Variants in SORBS2 observed in about 807,000 individuals in gnomAD.
SORBS2 encodes the protein sorbin and SH3 domain-containing protein 2.
SORBS2 carries 46 observed loss-of-function variants against 97.7 expected under a neutral mutation model. That is an observed-to-expected ratio of 0.47 (90% CI 0.37 to 0.60). The LOEUF (loss-of-function observed/expected upper bound fraction) is 0.60. Ranked by LOEUF, SORBS2 falls within the 20% of genes least tolerant of loss-of-function variation. The pLI is 0.00. For missense variants in SORBS2, 1,316 were observed against 1,282.3 expected, an observed-to-expected ratio of 1.03 and a Z score of -0.40; for synonymous variants, 476 against 473.4, an observed-to-expected ratio of 1.01 and a Z score of -0.07.
chr4:185,734,264 T>C (rs2098667228), intron 2 of SORBS2, 110 bp from the exon 3 acceptor site: 1 of 152,360 alleles, frequency 6.6e-6, no homozygotes, highest in South Asian at 2.1e-4. Context: ...CATCATATAT[T>C]CTTTTCTTTA....
At chr4:185,827,348 T>C (rs201040590) in intron 1 of SORBS2, among the ~76,000 whole-genome samples, 5,857 of 7,946 alleles carry the variant, frequency 0.74, 2,023 homozygotes, top group Non-Finnish European at 0.78. Flanking sequence ...ATCATCATCA[T>C]CATCATCATC....
chr4:185,800,079 A>T lies in SORBS2; in HGVS notation c.-337-24713T>A, dbSNP rs141833235. ...CATGGTGGTGCACGCCTGTAATCCT[A>T]GCTGCTCAGGAGGCTGAGGCAGGAG... On this transcript the variant is annotated intron_variant, in intron 1 of 20. Transcript: ENST00000284776. 5.7e-3 allele frequency among the ~76,000 whole-genome samples: 866 copies of T among 152,276 alleles called. 8 individuals carry two copies. Among genetic ancestry groups the T allele is most frequent in the African/African-American group, 0.02 (830 of 41,544 alleles).
intron 2 of SORBS2, among the ~76,000 whole-genome samples, chr4:185,754,088 T>C (rs1281706182): frequency 1.3e-5 from 2 of 152,026 alleles, no homozygotes; most frequent in African/African-American, 4.8e-5. Context: ...GAAGATATGG[T>C]ATATACACAC....
At chr4:185,942,082 C>T (rs2099272293) in intron 1 of SORBS2, among the ~76,000 whole-genome samples, 1 of 152,100 alleles carries the variant, frequency 6.6e-6, no homozygotes, top group South Asian at 2.1e-4. Context: ...TGCCACTGCA[C>T]TCCAGCTGGG....
At chr4:185,616,592 AGC>A (rs199663275) in intron 9 of SORBS2, among the ~76,000 whole-genome samples, 3,390 of 152,306 alleles carry the variant, frequency 0.022, 176 homozygotes, top group East Asian at 0.19. Context: ...AATTTTTCAA[AGC>A]TATGAAAAAG....
At chr4:185,896,709 G>T (rs2099245206) in intron 1 of SORBS2, among the ~76,000 whole-genome samples, 1 of 151,978 alleles carries the variant, frequency 6.6e-6, no homozygotes, top group Non-Finnish European at 1.5e-5. Flanking sequence ...AGGATGATTG[G>T]CAGGGGGTGC....
At chr4:185,783,164 A>G (rs548132537) in intron 1 of SORBS2, among the ~76,000 whole-genome samples, 47 of 152,360 alleles carry the variant, frequency 3.1e-4, no homozygotes, top group African/African-American at 1.1e-3. Context: ...ATTAAGCCCA[A>G]TGAAGGACAG....
chr4:185,586,100 CAT>C (rs1053208200), exon 15 of SORBS2: 2 of 151,488 alleles, frequency 1.3e-5, no homozygotes, highest in African/African-American at 4.9e-5. Context: ...AAAGAGCAAA[CAT>C]ATGTACAAAA....
At chr4:185,924,785 T>A (rs771302805) in intron 1 of SORBS2, among the ~76,000 whole-genome samples, 4 of 152,226 alleles carry the variant, frequency 2.6e-5, no homozygotes, top group Non-Finnish European at 5.9e-5. Flanking sequence ...TTTCTCTTTG[T>A]TCCAATCCCC....
chr4:185,676,940 T>C lies in SORBS2; in HGVS notation c.-46+1483A>G. 6 of 1,422,388 alleles carry C rather than the reference T, an allele frequency of 4.2e-6. No homozygotes were observed. The Admixed American group carries it at 1.0e-4, about 24-fold the overall frequency. 88.1% of individuals were successfully genotyped at this position (1,422,388 alleles called of 1,614,324 possible). On this transcript the variant is annotated intron_variant, in intron 4 of 20. Transcript: ENST00000284776. ...ATATAAGAAGCCCAAACCAAAGGAG[T>C]TAGGGTCTCTACGATACGCATGTAT...
chr4:185,847,332 G>T (rs576016681), intron 1 of SORBS2, among the ~76,000 whole-genome samples: 1 of 152,118 alleles, frequency 6.6e-6, no homozygotes, highest in African/African-American at 2.4e-5. Flanking sequence ...GGACTGAATT[G>T]GTTTCCCTTT....
intron 12 of SORBS2, among the ~76,000 whole-genome samples, chr4:185,605,143 A>T (rs1323153532): frequency 6.6e-6 from 1 of 152,220 alleles, no homozygotes; most frequent in East Asian, 1.9e-4. Context: ...TGGCCGGGTT[A>T]TTTTGAAATA....
intron 2 of SORBS2, chr4:185,756,981 T>G: frequency 7.0e-7 from 1 of 1,433,248 alleles, no homozygotes; most frequent in Admixed American, 1.7e-5. Flanking sequence ...CGCTCGCTCC[T>G]GGAGGACGTT....
At chr4:185,829,126 A>G (rs28698440) in intron 1 of SORBS2, among the ~76,000 whole-genome samples, 1,582 of 152,262 alleles carry the variant, frequency 0.01, 35 homozygotes, top group African/African-American at 0.037. Context: ...TTCCTCTTCA[A>G]TTGCGAAGAT....
At chr4:185,815,588 AAATAT>A (rs2099192793) in intron 1 of SORBS2, among the ~76,000 whole-genome samples, 1 of 152,186 alleles carries the variant, frequency 6.6e-6, no homozygotes, top group Non-Finnish European at 1.5e-5. Context: ...ATTTTCAAAC[AAATAT>A]ATTATCATCA....
intron 2 of SORBS2, among the ~76,000 whole-genome samples, chr4:185,686,913 T>C (rs988129110): frequency 1.4e-4 from 21 of 152,340 alleles, no homozygotes; most frequent in African/African-American, 4.6e-4. Context: ...CTCAATGAAC[T>C]ACTTGCTTGG....
intron 12 of SORBS2, among the ~76,000 whole-genome samples, chr4:185,598,615 C>CA (rs1262511062): frequency 5.3e-5 from 8 of 151,970 alleles, no homozygotes; most frequent in African/African-American, 9.7e-5. Flanking sequence ...AACACTAATG[C>CA]AAAAAAATCT....
intron 1 of SORBS2, among the ~76,000 whole-genome samples, chr4:185,814,050 T>C (rs1477419638): frequency 2.6e-5 from 4 of 152,142 alleles, no homozygotes; most frequent in African/African-American, 9.7e-5. Context: ...GTGTTTTAAT[T>C]TACTTTTCAA....
intron 7 of SORBS2, among the ~76,000 whole-genome samples, chr4:185,620,463 A>G (rs1368044634): frequency 6.6e-6 from 1 of 152,204 alleles, no homozygotes; most frequent in Non-Finnish European, 1.5e-5. Context: ...TTTTTCATAT[A>G]AATTTTTTCC....
Sources: allele counts gnomAD v4.1 joint callset (sites outside exome capture counted in the v4.1 genomes callset), GRCh38; gene constraint gnomAD v4.1.1; transcripts MANE v1.5; gene names NCBI Gene and HGNC (gene_info 2026-07-23, HGNC 2026-07-21).